The following DLC1 variants were observed in gnomAD, a reference collection of about 807,000 sequenced individuals.
DLC1 encodes rho GTPase-activating protein 7.
Under a neutral mutation model 140.3 loss-of-function variants are expected in DLC1, and 54 were observed. The observed-to-expected ratio is 0.38, with a 90% confidence interval of 0.31 to 0.48. The LOEUF (loss-of-function observed/expected upper bound fraction) is 0.48. Among genes scored for constraint, DLC1 ranks in the 20% least tolerant of loss-of-function variants. DLC1 has a pLI of 0.96. For synonymous variants in DLC1, 986 were observed against 728.1 expected (o/e 1.35, Z -5.70); for missense variants, 2,536 against 1,907.0 (o/e 1.33, Z -6.14).
chr8:13,483,228 G>A (rs1019910192), intron 2 of DLC1, among the ~76,000 whole-genome samples: 2 of 152,136 alleles, frequency 1.3e-5, no homozygotes, highest in African/African-American at 4.8e-5. Context: ...ATTAGATTGA[G>A]GGTCCACCTG....
intron 5 of DLC1, among the ~76,000 whole-genome samples, chr8:13,155,490 A>G (rs980622845): frequency 6.6e-6 from 1 of 152,150 alleles, no homozygotes; most frequent in Non-Finnish European, 1.5e-5. Context: ...ATTTTTTTAA[A>G]AAAACATGTT....
At chr8:13,541,497 A>T (rs1019569239) in intron 1 of DLC1, among the ~76,000 whole-genome samples, 2 of 152,160 alleles carry the variant, frequency 1.3e-5, no homozygotes, top group South Asian at 2.1e-4. Flanking sequence ...GTGTAGTGTT[A>T]TCTAATTGTG....
intron 1 of DLC1, among the ~76,000 whole-genome samples, chr8:13,561,433 C>G (rs1261413920): frequency 6.6e-6 from 1 of 152,196 alleles, no homozygotes; most frequent in African/African-American, 2.4e-5. Flanking sequence ...CCTGCTTCAT[C>G]CTCCTAAAGC....
At chr8:13,512,754 GT>G (rs1563412435) in intron 1 of DLC1, among the ~76,000 whole-genome samples, 1 of 151,832 alleles carries the variant, frequency 6.6e-6, no homozygotes, top group Admixed American at 6.6e-5. Context: ...TAGAAAAGCT[GT>G]TTTCTAGCCC....
intron 5 of DLC1, among the ~76,000 whole-genome samples, chr8:13,212,237 G>A (rs752597439): frequency 1.3e-5 from 2 of 152,124 alleles, no homozygotes; most frequent in South Asian, 2.1e-4. Context: ...AACCAGCCAC[G>A]ATGGCCTTCT....
chr8:13,560,134 G>A (rs1804187154), intron 1 of DLC1, among the ~76,000 whole-genome samples: 2 of 151,986 alleles, frequency 1.3e-5, no homozygotes. Flanking sequence ...AATATACTGG[G>A]CATATTCATT....
chr8:13,401,646 A>C, intron 2 of DLC1, 27 bp from the exon 3 acceptor site: 1 of 1,597,140 alleles, frequency 6.3e-7, no homozygotes. Context: ...TTTGTTACTG[A>C]ATCTGAAAGG....
At chr8:13,567,291 G>A (rs1324485025) in intron 1 of DLC1, 2 of 1,551,520 alleles carry the variant, frequency 1.3e-6, no homozygotes, top group African/African-American at 2.7e-5. Context: ...ACTTTGAACG[G>A]CACCAACCAG....
At chr8:13,471,183 C>G (rs1185116007) in intron 2 of DLC1, among the ~76,000 whole-genome samples, 1 of 151,168 alleles carries the variant, frequency 6.6e-6, no homozygotes, top group African/African-American at 2.4e-5. Flanking sequence ...TCAAGGGGTA[C>G]AAAGTTTTAA....
At chr8:13,196,800 A>G (rs1037449400) in intron 5 of DLC1, among the ~76,000 whole-genome samples, 2 of 152,218 alleles carry the variant, frequency 1.3e-5, no homozygotes, top group African/African-American at 2.4e-5. Context: ...TGTGAAGTCA[A>G]TTATAATCAT....
intron 5 of DLC1, among the ~76,000 whole-genome samples, chr8:13,199,331 G>C (rs1208454132): frequency 2.0e-5 from 3 of 151,876 alleles, no homozygotes; most frequent in Non-Finnish European, 4.4e-5. Context: ...ATACAGGCAT[G>C]CACCACCACA....
intron 3 of DLC1, among the ~76,000 whole-genome samples, chr8:13,395,307 GAGACGGGGTTT>G (rs1269657487): frequency 6.6e-6 from 1 of 151,996 alleles, no homozygotes; most frequent in Non-Finnish European, 1.5e-5. Flanking sequence ...ATTTTTAGTA[GAGACGGGGTTT>G]CACTATGTTG....
chr8:13,332,389 C>T (rs186878715), intron 4 of DLC1, among the ~76,000 whole-genome samples: 3 of 151,672 alleles, frequency 2.0e-5, no homozygotes, highest in Admixed American at 2.0e-4. Flanking sequence ...ACCTTGGTAG[C>T]TGCTGGAAAC....
chr8:13,381,887 C>G (rs983083670), intron 4 of DLC1, among the ~76,000 whole-genome samples: 4 of 152,044 alleles, frequency 2.6e-5, no homozygotes, highest in African/African-American at 7.2e-5. Context: ...AAACTAAAAA[C>G]TGACAAAATA....
At chr8:13,465,018 C>T (rs1259786043) in intron 2 of DLC1, among the ~76,000 whole-genome samples, 2 of 151,904 alleles carry the variant, frequency 1.3e-5, no homozygotes, top group African/African-American at 4.8e-5. Context: ...AGGTGCATGC[C>T]ACCATGCATA....
intron 2 of DLC1, among the ~76,000 whole-genome samples, chr8:13,417,752 TA>T (rs1376538046): frequency 6.6e-6 from 1 of 152,094 alleles, no homozygotes; most frequent in Non-Finnish European, 1.5e-5. Flanking sequence ...GGTCAAATGG[TA>T]TTTCTAGTTC....
Position 13,559,597 on chromosome 8 carries a change from C to G in DLC1, c.-126+44940G>C, listed in dbSNP as rs148894841. On this transcript the variant is annotated intron_variant, in intron 1 of 1. Transcript: ENST00000631382. ...AATAATATTCATTTTATAGTGAAAGCTAACATTGTAAGTAGAAAAATTACA... is the reference window on the plus strand; with the variant it reads ...AATAATATTCATTTTATAGTGAAAGGTAACATTGTAAGTAGAAAAATTACA... Among the ~76,000 whole-genome samples the G allele has an allele frequency of 1.7e-3, 265 of 152,196 alleles. 3 individuals carry two copies. The highest frequency in any genetic ancestry group is 5.9e-3 in the African/African-American group (247 of 41,538).
At chr8:13,398,989 A>G (rs1483645096) in intron 3 of DLC1, among the ~76,000 whole-genome samples, 3 of 152,148 alleles carry the variant, frequency 2.0e-5, no homozygotes, top group Non-Finnish European at 2.9e-5. Flanking sequence ...AAATTGTTGA[A>G]TAGCCACCTT....
At chr8:13,294,136 C>G (rs1435593987) in intron 5 of DLC1, among the ~76,000 whole-genome samples, 1 of 152,142 alleles carries the variant, frequency 6.6e-6, no homozygotes, top group Non-Finnish European at 1.5e-5. Context: ...AACCACTGAC[C>G]ACCAATGATC....
Sources: allele counts gnomAD v4.1 joint callset (sites outside exome capture counted in the v4.1 genomes callset), GRCh38; gene constraint gnomAD v4.1.1; transcripts MANE v1.5; gene names NCBI Gene and HGNC (gene_info 2026-07-23, HGNC 2026-07-21).